Variants in BTD observed in about 807,000 individuals in gnomAD.
BTD encodes the protein biotinidase.
In BTD, 13 loss-of-function variants were observed where a neutral mutation model predicts 17.7. The ratio of observed to expected loss-of-function variants is 0.74; its 90% CI spans 0.48 to 1.17. The LOEUF (loss-of-function observed/expected upper bound fraction) is 1.17. Among genes scored for constraint, BTD ranks in the 50% most tolerant of loss-of-function variants. The pLI is 0.00. For synonymous variants in BTD, 240 were observed against 245.2 expected (o/e 0.98, Z 0.20); for missense variants, 674 against 650.4 (o/e 1.04, Z -0.39).
rs1366159937 is a variant in BTD at position 15,645,409 on chromosome 3, A to G, written c.1493A>G (p.His498Arg). 2 of 1,614,092 alleles carry G rather than the reference A, an allele frequency of 1.2e-6. No individual in the cohort carries two copies. The highest frequency in any genetic ancestry group is 2.2e-5 in the East Asian group (1 of 44,886). The change falls in exon 4 of 4, where the codon CAC (histidine) becomes CGC (arginine). Residue 498 changes from histidine to arginine, a missense_variant. Physicochemically the swap from His to Arg is conservative, Grantham distance 29. Transcript: ENST00000643237. Reference sequence around the variant, plus strand: ...GACCAGCTTGGCTGGGAGAATGACCACTATTTCCTGAGGAAAAGTAGGCTG... The same window carrying G: ...GACCAGCTTGGCTGGGAGAATGACCGCTATTTCCTGAGGAAAAGTAGGCTG... ...VPDQLGWEND[H>R]YFLRKSRLSS...
At chr3:15,687,972 T>C (rs758328784) in intron 3 of BTD, among the ~76,000 whole-genome samples, 3 of 152,232 alleles carry the variant, frequency 2.0e-5, no homozygotes, top group Non-Finnish European at 4.4e-5. Flanking sequence ...TCATGGCTTA[T>C]AGATGCTCTC....
rs979180554 is a variant in BTD, at chr3:15,624,361, A to C, written c.-16-11063A>C. The stretch of plus-strand genomic sequence containing the variant: ...TCTGGTATTCCCATTGTACATATTT[A>C]TAACTTTTGTAGTCCACTGTTTGTT... On this transcript the variant is annotated intron_variant, in intron 1 of 3. Coordinates refer to ENST00000643237, the MANE Select transcript of BTD (RefSeq NM_001370658.1). Among the ~76,000 whole-genome samples, 16 of 152,032 alleles carry C rather than the reference A, an allele frequency of 1.1e-4. 4 individuals carry two copies. Among genetic ancestry groups the C allele is most frequent in the East Asian group, 1.9e-4 (1 of 5,178 alleles).
exon 4 of BTD, among the ~76,000 whole-genome samples, chr3:15,711,792 T>C (rs555462607): frequency 6.6e-6 from 1 of 152,116 alleles, no homozygotes; most frequent in East Asian, 1.9e-4. Context: ...GTTCAAGCGA[T>C]TCTCCTGCCT....
At chr3:15,704,909 G>A (rs924600725) in intron 3 of BTD, among the ~76,000 whole-genome samples, 4 of 152,082 alleles carry the variant, frequency 2.6e-5, no homozygotes, top group Non-Finnish European at 1.5e-5. Context: ...AATAAAGATA[G>A]GAAACAGAGG....
chr3:15,685,310 A>G, intron 3 of BTD: 2 of 1,614,028 alleles, frequency 1.2e-6, no homozygotes, highest in Non-Finnish European at 1.7e-6. Context: ...GCTGACTGCA[A>G]AAGGGCTCCA....
intron 3 of BTD, among the ~76,000 whole-genome samples, chr3:15,706,208 T>C (rs2071364020): frequency 6.6e-6 from 1 of 152,054 alleles, no homozygotes; most frequent in Admixed American, 6.6e-5. Flanking sequence ...GTCACTTACA[T>C]TAGGTATACC....
intron 4 of BTD, chr3:15,721,017 C>G: frequency 6.2e-7 from 1 of 1,613,834 alleles, no homozygotes; most frequent in East Asian, 2.2e-5. Flanking sequence ...CTTTTTCATT[C>G]TTTTGATTCA....
In BTD at chr3:15,651,268, C is replaced by T. The variant is rs1033467597; in HGVS notation, c.*5780C>T. On this transcript the variant is annotated 3_prime_UTR_variant, in exon 4 of 4. Coordinates refer to ENST00000643237, the MANE Select transcript of BTD (RefSeq NM_001370658.1). ...CAGTAAATGTCCACGAGGCTTTTTTCCTCTGAGCAGAAATTTCACTGTGAT... is the reference window on the plus strand; with the variant it reads ...CAGTAAATGTCCACGAGGCTTTTTTTCTCTGAGCAGAAATTTCACTGTGAT... 3.9e-5 allele frequency among the ~76,000 whole-genome samples: 6 copies of T among 152,124 alleles called. No individual in the cohort carries two copies. Among genetic ancestry groups the T allele is most frequent in the Admixed American group, 3.3e-4 (5 of 15,278 alleles).
intron 1 of BTD, among the ~76,000 whole-genome samples, chr3:15,609,555 G>A (rs2064555090): frequency 1.3e-5 from 2 of 152,150 alleles, no homozygotes; most frequent in South Asian, 2.1e-4. Context: ...CAACATTTGT[G>A]TATGAGAGCT....
chr3:15,684,082 T>A (rs963505799), intron 3 of BTD: 1 of 152,220 alleles, frequency 6.6e-6, no homozygotes, highest in Non-Finnish European at 1.5e-5. Context: ...AAACAAATTT[T>A]AAAAACCTCT....
chr3:15,616,651 A>G (rs781081182), intron 1 of BTD, among the ~76,000 whole-genome samples: 24 of 152,192 alleles, frequency 1.6e-4, no homozygotes, highest in Middle Eastern at 3.4e-3. Context: ...TCCTTTCACC[A>G]AACTAAGCAT....
At chr3:15,686,052 C>T (rs1312520820) in intron 3 of BTD, 1 of 1,613,808 alleles carries the variant, frequency 6.2e-7, no homozygotes, top group African/African-American at 1.3e-5. Context: ...TCTACATTTG[C>T]TCCTTTGTTC....
chr3:15,687,379 G>A (rs768959191), intron 3 of BTD, among the ~76,000 whole-genome samples: 1 of 151,926 alleles, frequency 6.6e-6, no homozygotes, highest in East Asian at 1.9e-4. Flanking sequence ...TCCATCTAAA[G>A]AATGCATGTG....
intron 3 of BTD, among the ~76,000 whole-genome samples, chr3:15,693,938 G>A (rs543094899): frequency 1.1e-4 from 16 of 152,088 alleles, no homozygotes; most frequent in Non-Finnish European, 2.2e-4. Context: ...ATGAATAACT[G>A]AACTTGTAGT....
rs957103371 is a variant in BTD, at chr3:15,651,912, C to T, written c.*6424C>T. ...TTGGTAGCTAGTCTCAAGATTAGCC[C>T]CCAGTGCTCCCCACCTGCTGGTATC... On this transcript the variant is annotated 3_prime_UTR_variant, in exon 4 of 4. Transcript: ENST00000643237. Among the ~76,000 whole-genome samples the T allele has an allele frequency of 1.3e-4, 20 of 152,170 alleles. No individual in the cohort carries two copies. The highest frequency in any genetic ancestry group is 4.8e-4 in the African/African-American group (20 of 41,446).
At position 15,647,109 on chromosome 3, in the gene BTD, C is replaced by A. The variant is rs894109085; in HGVS notation, c.*1621C>A. Reference sequence around the variant, plus strand: ...CAAGGACTTGGAATTCCTGAGCAAGCCTTGGGTTCCCCACGCCCTAGGAAG... The same window carrying A: ...CAAGGACTTGGAATTCCTGAGCAAGACTTGGGTTCCCCACGCCCTAGGAAG... On this transcript the variant is annotated 3_prime_UTR_variant, in exon 4 of 4. Coordinates refer to ENST00000643237, the MANE Select transcript of BTD (RefSeq NM_001370658.1). 1.3e-4 allele frequency: 20 copies of A among 152,230 alleles called. No homozygotes were observed. The highest frequency in any genetic ancestry group is 4.8e-4 in the African/African-American group (20 of 41,426). The allele number at this position is 152,230 out of a possible 1,614,324, so 9.4% of individuals were successfully genotyped here.
At chr3:15,624,002 A>G (rs1281516553) in intron 1 of BTD, among the ~76,000 whole-genome samples, 1 of 152,172 alleles carries the variant, frequency 6.6e-6, no homozygotes, top group Non-Finnish European at 1.5e-5. Context: ...CTAGGCTGGT[A>G]CTTTTTTCCT....
intron 3 of BTD, among the ~76,000 whole-genome samples, chr3:15,679,793 T>G (rs931421848): frequency 6.6e-6 from 1 of 152,046 alleles, no homozygotes; most frequent in African/African-American, 2.4e-5. Flanking sequence ...GCTCTCTGTA[T>G]CCGTGGGTTC....
chr3:15,675,787 C>T (rs944946983), intron 3 of BTD: 19 of 915,254 alleles, frequency 2.1e-5, no homozygotes, highest in Non-Finnish European at 3.0e-5. Flanking sequence ...TCAATATTAA[C>T]TTTAGCTCTC....
Sources: gnomAD v4.1 joint callset for allele counts (sites outside exome capture counted in the v4.1 genomes callset) on GRCh38, gnomAD v4.1.1 for gene constraint, MANE v1.5 for transcripts, NCBI Gene and HGNC (gene_info 2026-07-23, HGNC 2026-07-21) for gene names.